HMOX2: variants seen among roughly 807,000 people sequenced by gnomAD.
HMOX2 encodes the protein heme oxygenase (decycling) 2.
Under a neutral mutation model 33.7 loss-of-function variants are expected in HMOX2, and 30 were observed. The ratio of observed to expected loss-of-function variants is 0.89; its 90% CI spans 0.67 to 1.21. The LOEUF is 1.21. Among genes scored for constraint, HMOX2 ranks in the 50% most tolerant of loss-of-function variants. The pLI is 0.00. For synonymous variants in HMOX2, 155 were observed against 155.0 expected, an observed-to-expected ratio of 1.00 and a Z score of 0.00; for missense variants, 403 against 399.1, an observed-to-expected ratio of 1.01 and a Z score of -0.08.
intron 1 of HMOX2, among the ~76,000 whole-genome samples, chr16:4,481,165 T>C (rs1048036551): frequency 6.7e-6 from 1 of 150,264 alleles, no homozygotes; most frequent in African/African-American, 2.4e-5. Context: ...GCTAACACGG[T>C]GAAACCCCGT....
upstream of HMOX2, chr16:4,476,229 C>T (rs919674092): frequency 6.6e-6 from 1 of 152,340 alleles, no homozygotes; most frequent in African/African-American, 2.4e-5. Flanking sequence ...CGAAGCACGC[C>T]TACTTACCCC....
At chr16:4,502,166 C>T (rs1333087400) in intron 1 of HMOX2, among the ~76,000 whole-genome samples, 3 of 152,178 alleles carry the variant, frequency 2.0e-5, no homozygotes, top group Non-Finnish European at 2.9e-5. Context: ...CTCAGGTGAT[C>T]TGCCCACCTC....
intron 1 of HMOX2, among the ~76,000 whole-genome samples, chr16:4,488,311 A>G (rs537776487): frequency 1.7e-4 from 26 of 152,120 alleles, no homozygotes; most frequent in Non-Finnish European, 2.9e-4. Flanking sequence ...CCTCTGAATA[A>G]TGATTAATGG....
intron 1 of HMOX2, among the ~76,000 whole-genome samples, chr16:4,485,162 C>T (rs570546951): frequency 6.6e-6 from 1 of 152,244 alleles, no homozygotes; most frequent in Non-Finnish European, 1.5e-5. Flanking sequence ...TTCCGGGTTT[C>T]ACCATGTTGG....
intron 1 of HMOX2, among the ~76,000 whole-genome samples, chr16:4,501,576 C>G (rs1488780198): frequency 6.6e-6 from 1 of 151,668 alleles, no homozygotes; most frequent in Admixed American, 6.6e-5. Context: ...CTTTTTTTCT[C>G]TTTTGTGGGG....
At chr16:4,504,709 A>G (rs9934024) in intron 1 of HMOX2, among the ~76,000 whole-genome samples, 3,138 of 50,774 alleles carry the variant, frequency 0.062, 200 homozygotes, top group African/African-American at 0.22. Flanking sequence ...TTTTTTTTTT[A>G]AGACAGTTTC....
At chr16:4,476,235 AC>A (rs534806983), upstream of HMOX2, 27 of 152,296 alleles carry the variant, frequency 1.8e-4, no homozygotes, top group African/African-American at 6.5e-4. Flanking sequence ...ACGCCTACTT[AC>A]CCCGCTGAGC....
chr16:4,485,157 G>A (rs2058135775), intron 1 of HMOX2, among the ~76,000 whole-genome samples: 1 of 152,000 alleles, frequency 6.6e-6, no homozygotes, highest in Non-Finnish European at 1.5e-5. Context: ...GCAGATTCCG[G>A]GTTTCACCAT....
At chr16:4,491,412 G>A (rs572032076) in intron 1 of HMOX2, among the ~76,000 whole-genome samples, 190 of 152,204 alleles carry the variant, frequency 1.2e-3, no homozygotes, top group Non-Finnish European at 2.4e-3. Flanking sequence ...CACTTTGGGA[G>A]GCCAAGGCGG....
chr16:4,480,658 T>A (rs1460579336), intron 1 of HMOX2, among the ~76,000 whole-genome samples: 1 of 150,222 alleles, frequency 6.7e-6, no homozygotes, highest in East Asian at 2.0e-4. Context: ...ACTATTTTTT[T>A]TTTTTTTTTT....
At chr16:4,498,499 C>T (rs757567197) in intron 1 of HMOX2, among the ~76,000 whole-genome samples, 4 of 151,936 alleles carry the variant, frequency 2.6e-5, no homozygotes, top group Non-Finnish European at 2.9e-5. Flanking sequence ...CCCAGTTTCC[C>T]GAGTGGTTGG....
intron 4 of HMOX2, 118 bp from the exon 5 acceptor site, chr16:4,509,294 T>C (rs1596479273): frequency 3.0e-6 from 4 of 1,318,272 alleles, no homozygotes; most frequent in East Asian, 4.6e-5. Flanking sequence ...GAGTTAGCCA[T>C]GTTCATAACA....
chr16:4,502,195 G>C (rs946952796), intron 1 of HMOX2, among the ~76,000 whole-genome samples: 1 of 152,098 alleles, frequency 6.6e-6, no homozygotes, highest in African/African-American at 2.4e-5. Flanking sequence ...TAAATGCTGG[G>C]ATTATAGGTG....
Position 4,507,914 on chromosome 16 carries a change from G to A in HMOX2, c.406G>A (p.Glu136Lys), listed in dbSNP as rs201848734. The A allele has an allele frequency of 5.0e-6, 8 of 1,614,102 alleles. No individual in the cohort carries two copies. In the East Asian group the frequency reaches 1.6e-4, roughly 31 times the overall value. Residue 136 changes from glutamate (E) to lysine (K), a missense_variant, in exon 4 of 6, where the codon GAG becomes AAG. Coordinates refer to ENST00000570646, the MANE Select transcript of HMOX2 (RefSeq NM_002134.4). ...QCPKAAQKYV[E>K]RIHYIGQNEP... ...CCCCAAGGCTGCCCAGAAGTACGTG[G>A]AGCGGATCCACTACATAGGGCAGAA...
intron 1 of HMOX2, among the ~76,000 whole-genome samples, chr16:4,482,600 A>T (rs1440634311): frequency 6.6e-6 from 1 of 152,174 alleles, no homozygotes; most frequent in Non-Finnish European, 1.5e-5. Context: ...TGTCACCTAT[A>T]CTTCTGACCT....
At chr16:4,502,563 G>C (rs757787168) in intron 1 of HMOX2, among the ~76,000 whole-genome samples, 2 of 151,984 alleles carry the variant, frequency 1.3e-5, no homozygotes, top group Non-Finnish European at 2.9e-5. Context: ...AGAGGCTCCA[G>C]GACCCTTTAC....
chr16:4,509,515 T>G lies in HMOX2; in HGVS notation c.800T>G (p.Phe267Cys). The stretch of plus-strand genomic sequence containing the variant: ...AAAGGAGACATGCGTAAATGCCCTT[T>G]CTACGCTGCTGAACAAGACAAAGGT... ...DGKGDMRKCP[F>C]YAAEQDKGAL... The change falls in exon 5 of 6, where the codon TTC becomes TGC. Residue 267 changes from phenylalanine to cysteine, a missense_variant. Transcript: ENST00000570646. 1.2e-6 allele frequency: 2 copies of G among 1,614,190 alleles called. No homozygotes were observed. Among genetic ancestry groups the G allele is most frequent in the Non-Finnish European group, 8.5e-7 (1 of 1,180,020 alleles).
chr16:4,497,331 G>C (rs1366589514), intron 1 of HMOX2, among the ~76,000 whole-genome samples: 1 of 152,116 alleles, frequency 6.6e-6, no homozygotes, highest in Non-Finnish European at 1.5e-5. Flanking sequence ...CCAGCCCTGT[G>C]GGATGCATGA....
intron 1 of HMOX2, among the ~76,000 whole-genome samples, chr16:4,480,511 AT>A (rs1275760050): frequency 6.6e-6 from 1 of 151,110 alleles, no homozygotes; most frequent in Non-Finnish European, 1.5e-5. Flanking sequence ...CACCCAGTTA[AT>A]TTTTGTATTT....
Sources: allele counts gnomAD v4.1 joint callset (sites outside exome capture counted in the v4.1 genomes callset), GRCh38; gene constraint gnomAD v4.1.1; transcripts MANE v1.5; gene names NCBI Gene and HGNC (gene_info 2026-07-23, HGNC 2026-07-21).